Variants in SH3GL1 observed in about 807,000 individuals in gnomAD.
The protein encoded by SH3GL1 is SH3 domain containing GRB2 like 1, endophilin A2, also known as endophilin-A2.
In SH3GL1, 21 loss-of-function variants were observed where a neutral mutation model predicts 48.8. The observed-to-expected ratio is 0.43, with a 90% CI of 0.30 to 0.62. The LOEUF (loss-of-function observed/expected upper bound fraction) is 0.62. Ranked by LOEUF, SH3GL1 falls within the 20% of genes least tolerant of loss-of-function variation. SH3GL1 has a pLI of 0.11. For synonymous variants in SH3GL1, 282 were observed against 217.5 expected (o/e 1.30, Z -2.61); for missense variants, 454 against 503.0 (o/e 0.90, Z 0.93).
At position 4,389,205 on chromosome 19, in the gene SH3GL1, G is replaced by C. The variant is rs372325675; in HGVS notation, c.45+11119C>G. 6.6e-6 allele frequency among the ~76,000 whole-genome samples: 1 copy of C among 152,150 alleles called. No homozygotes were observed. Among genetic ancestry groups the C allele is most frequent in the Non-Finnish European group, 1.5e-5 (1 of 68,014 alleles). On this transcript the variant is annotated intron_variant, in intron 1 of 9. Transcript: ENST00000269886. This position sits in a 1 kb window ranked among gnomAD's most constrained non-coding sequence, Gnocchi z 4.5. ...AGAACATGGCCCATCACACATGCCC[G>C]AGCACAGCCCAGCCTCAGGAGCTGC... is the stretch of plus-strand genomic sequence containing the variant.
chr19:4,396,015 A>C (rs1266713093), intron 1 of SH3GL1: 2 of 152,232 alleles, frequency 1.3e-5, no homozygotes, highest in African/African-American at 4.8e-5. Flanking sequence ...CTAAAAAAGA[A>C]GCCCAGATAC....
chr19:4,364,065 C>A, intron 5 of SH3GL1, 23 bp downstream of exon 5: 1 of 1,611,728 alleles, frequency 6.2e-7, no homozygotes, highest in East Asian at 2.2e-5. Flanking sequence ...GGGACAGGCC[C>A]CAGGCTGGCG....
At chr19:4,363,310 T>TG in intron 7 of SH3GL1, 60 bp downstream of exon 7, 2 of 1,282,460 alleles carry the variant, frequency 1.6e-6, no homozygotes, top group Non-Finnish European at 2.2e-6. Flanking sequence ...GCTGCCCACT[T>TG]GCGCTGGCAG....
At chr19:4,385,034 C>T (rs911811773) in intron 1 of SH3GL1, among the ~76,000 whole-genome samples, 9 of 144,724 alleles carry the variant, frequency 6.2e-5, no homozygotes, top group African/African-American at 2.3e-4. Context: ...AGCCTGGGAG[C>T]GGGAGGTTGC....
rs796901181 is a variant in SH3GL1 at position 4,360,412 on chromosome 19, C to T, written c.*1188G>A. The stretch of plus-strand genomic sequence containing the variant: ...AATACTTCTGTTTACAAAATTCAGG[C>T]GTACATTTCAGTTTGCCCTGGACCG... On this transcript the variant is annotated 3_prime_UTR_variant, in exon 10 of 10. Coordinates refer to ENST00000269886, the MANE Select transcript of SH3GL1 (RefSeq NM_003025.4). The T allele has an allele frequency of 6.9e-5, 17 of 247,086 alleles. No individual in the cohort carries two copies. The highest frequency in any genetic ancestry group is 6.4e-4 in the South Asian group (5 of 7,842). 15.3% of individuals were successfully genotyped at this position (247,086 alleles called of 1,614,324 possible). A position where few individuals can be genotyped will look rare whatever the true frequency, so the allele number is the denominator to read the frequency against.
At chr19:4,397,137 C>T (rs1193101853) in intron 1 of SH3GL1, among the ~76,000 whole-genome samples, 2 of 152,142 alleles carry the variant, frequency 1.3e-5, no homozygotes, top group Non-Finnish European at 2.9e-5. Context: ...TAGTCGGATA[C>T]GTCCAGATAA....
rs542891762 is a variant in SH3GL1 at position 4,366,689 on chromosome 19, C to T, written c.115-116G>A. ...AGCCCATACCAGGACCCCCCAACCC[C>T]CTCTCCATGTCTTCAGCTCAGCCAT... On this transcript the variant is annotated intron_variant, in intron 2 of 9. Transcript: ENST00000269886. 7.5e-4 allele frequency: 775 copies of T among 1,026,814 alleles called. 3 individuals carry two copies. The African/African-American group carries it at 0.011, about 15-fold the overall frequency. The allele number at this position is 1,026,814 out of a possible 1,614,324, so 63.6% of individuals were successfully genotyped here.
chr19:4,372,085 G>A (rs528609255), intron 1 of SH3GL1, among the ~76,000 whole-genome samples: 1 of 152,292 alleles, frequency 6.6e-6, no homozygotes, highest in African/African-American at 2.4e-5. Flanking sequence ...CAAAACTACA[G>A]GCATGACACA....
chr19:4,394,194 A>G (rs1326921093), intron 1 of SH3GL1, among the ~76,000 whole-genome samples: 1 of 151,132 alleles, frequency 6.6e-6, no homozygotes, highest in African/African-American at 2.4e-5. Flanking sequence ...TACACTCTCA[A>G]TCTCACACAG....
intron 1 of SH3GL1, among the ~76,000 whole-genome samples, chr19:4,374,747 GCCCCTGAGTCA>G (rs1972972267): frequency 1.3e-5 from 2 of 152,158 alleles, no homozygotes; most frequent in African/African-American, 4.8e-5. Context: ...TGGCCCCTGG[GCCCCTGAGTCA>G]CCCCTGAGGT....
rs139561776 is a variant in SH3GL1 at position 4,363,567 on chromosome 19, TGA to T, written c.625-96_625-95del. 425,929 of 1,453,008 alleles carry T rather than the reference TGA, an allele frequency of 0.29. 66,980 individuals are homozygous for T. The highest frequency in any genetic ancestry group is 0.59 in the East Asian group (25,750 of 43,646). 90.0% of individuals were successfully genotyped at this position (1,453,008 alleles called of 1,614,324 possible). A position where few individuals can be genotyped will look rare whatever the true frequency, so the allele number is the denominator to read the frequency against. ...GTGAAGCCACAGGAGGCAAGGGGGC[TGA>T]GAGGGGACAGGGGACTGGGGCCCAT... On this transcript the variant is annotated intron_variant, in intron 6 of 9. Coordinates refer to ENST00000269886, the MANE Select transcript of SH3GL1 (RefSeq NM_003025.4).
At position 4,361,749 on chromosome 19, in the gene SH3GL1, C is replaced by T. The variant is rs146842065; in HGVS notation, c.958G>A (p.Glu320Lys). The T allele has an allele frequency of 1.5e-5, 24 of 1,612,450 alleles. No individual in the cohort carries two copies. The highest frequency in any genetic ancestry group is 1.6e-5 in the Non-Finnish European group (19 of 1,179,872). The stretch of plus-strand genomic sequence containing the variant: ...TGGAAGCCCAGCTCCCCGTCGTTCT[C>T]GGGCTCGAAGTCGTACAGCGCCTTG... ...SCKALYDFEP[E>K]NDGELGFHEG... The change falls in exon 10 of 10, where the codon GAG (glutamate) becomes AAG (lysine). Residue 320 changes from glutamate to lysine, a missense_variant. By Grantham distance (56) the Glu-to-Lys change is moderately conservative. This residue lies in a region of SH3GL1 where 278 missense variants were observed against 246.8 expected (regional missense o/e 1.13). Transcript: ENST00000269886.
rs1420515393 is a variant in SH3GL1, at chr19:4,367,499, G to A, written c.46-505C>T. ...GTTACGAGAAGAGGTGCAGGCAGCC[G>A]GGCAGGGAGGCCGCCATTCTCCTGT... On this transcript the variant is annotated intron_variant, in intron 1 of 9. Transcript: ENST00000269886. The surrounding 1 kb of genome is among the most constrained non-coding windows in gnomAD (Gnocchi z 4.2). 2.0e-5 allele frequency among the ~76,000 whole-genome samples: 3 copies of A among 152,276 alleles called. No individual in the cohort carries two copies. The highest frequency in any genetic ancestry group is 2.1e-4 in the South Asian group (1 of 4,818).
At position 4,361,170 on chromosome 19, in the gene SH3GL1, T is replaced by C. The variant is rs1972597865; in HGVS notation, c.*430A>G. On this transcript the variant is annotated 3_prime_UTR_variant, in exon 10 of 10. Transcript: ENST00000269886. ...TCTCTGAGCCACCCCATGGGGACCC[T>C]CGATCCCATCCTGTTAAGGCTGCGG... The C allele has an allele frequency of 3.7e-6, 1 of 273,198 alleles. No individual in the cohort carries two copies. Among genetic ancestry groups the C allele is most frequent in the African/African-American group, 2.2e-5 (1 of 46,022 alleles). 16.9% of individuals were successfully genotyped at this position (273,198 alleles called of 1,614,324 possible). A position where few individuals can be genotyped will look rare whatever the true frequency, so the allele number is the denominator to read the frequency against.
At chr19:4,383,366 C>G (rs1973174046) in intron 1 of SH3GL1, among the ~76,000 whole-genome samples, 1 of 152,026 alleles carries the variant, frequency 6.6e-6, no homozygotes, top group African/African-American at 2.4e-5. Flanking sequence ...AGGCGTGCAT[C>G]ACCACACAGA....
At chr19:4,363,309 T>C in intron 7 of SH3GL1, 61 bp downstream of exon 7, 4 of 1,283,864 alleles carry the variant, frequency 3.1e-6, no homozygotes, top group Non-Finnish European at 4.4e-6. Context: ...TGCTGCCCAC[T>C]TGCGCTGGCA....
intron 1 of SH3GL1, among the ~76,000 whole-genome samples, chr19:4,398,551 T>G (rs1973463439): frequency 6.6e-6 from 1 of 152,072 alleles, no homozygotes; most frequent in African/African-American, 2.4e-5. Context: ...TTTTGTATTG[T>G]TAGTAGAGAT....
At chr19:4,363,245 C>T in intron 7 of SH3GL1, 125 bp downstream of exon 7, 1 of 779,644 alleles carries the variant, frequency 1.3e-6, no homozygotes. Context: ...CCACTCAGTC[C>T]CCAGGAAGAA....
Position 4,400,355 on chromosome 19 carries a change from C to T in SH3GL1, c.14G>A (p.Gly5Glu). ...CGCCTTGTAGAACTGCTTCTTCAGC[C>T]CCGCCACCGACATGCTGCCGCCCGC... MSVA[G>E]LKKQFYKASQ... The change falls in exon 1 of 10, where the codon GGG becomes GAG. Residue 5 changes from glycine to glutamate, a missense_variant. Coordinates refer to ENST00000269886, the MANE Select transcript of SH3GL1 (RefSeq NM_003025.4). This position sits in a 1 kb window ranked among gnomAD's most constrained non-coding sequence, Gnocchi z 4.1. The T allele has an allele frequency of 6.3e-7, 1 of 1,592,316 alleles. No individual in the cohort carries two copies. Among genetic ancestry groups the T allele is most frequent in the Non-Finnish European group, 8.5e-7 (1 of 1,173,274 alleles).
Sources: gnomAD v4.1 joint callset for allele counts (sites outside exome capture counted in the v4.1 genomes callset) on GRCh38, gnomAD v4.1.1 for gene constraint, gnomAD v4.1.1 regional missense constraint, Gnocchi (gnomAD v3.1) non-coding constraint, MANE v1.5 for transcripts, NCBI Gene and HGNC (gene_info 2026-07-23, HGNC 2026-07-21) for gene names.